Variants in TENM1 observed in about 807,000 individuals in gnomAD.
TENM1 encodes the protein teneurin transmembrane protein 1, also known as teneurin-1.
TENM1 carries 35 observed loss-of-function variants against 174.8 expected under a neutral mutation model. The observed-to-expected ratio is 0.20, with a 90% CI of 0.15 to 0.27. The LOEUF (loss-of-function observed/expected upper bound fraction) is 0.27, where lower values mean the gene tolerates loss of function less well. TENM1 is among the 10% of genes least tolerant of loss of function. The pLI, the probability that TENM1 is intolerant of heterozygous loss-of-function variation, is 1.00. For synonymous variants in TENM1, 781 were observed against 798.7 expected, an observed-to-expected ratio of 0.98 and a Z score of 0.37; for missense variants, 1,633 against 2,130.1, an observed-to-expected ratio of 0.77 and a Z score of 4.59.
At chrX:125,116,768 C>T in the TENM1 span, among the ~76,000 whole-genome samples, 26,511 of 111,318 alleles carry the variant, frequency 0.24, 4,663 homozygotes, top group African/African-American at 0.62. Context: ...TCCCAGCACT[C>T]TGGGAGGCCA....
intron 11 of TENM1, among the ~76,000 whole-genome samples, chrX:124,634,087 G>A (rs1365992406): frequency 9.0e-6 from 1 of 111,344 alleles, no homozygotes; most frequent in Admixed American, 9.6e-5. Flanking sequence ...ATAAATGTGA[G>A]CACAGGTTGT....
chrX:124,918,107 T>C (rs1375644010), intron 1 of TENM1, among the ~76,000 whole-genome samples: 1 of 111,905 alleles, frequency 8.9e-6, no homozygotes, highest in East Asian at 2.8e-4. Flanking sequence ...TATCCTAGCT[T>C]GGGCTATTTC....
chrX:124,960,667 G>A (rs2058638903), intron 1 of TENM1, among the ~76,000 whole-genome samples: 1 of 111,615 alleles, frequency 9.0e-6, no homozygotes, highest in African/African-American at 3.3e-5. Flanking sequence ...GCATAAAATT[G>A]CTTATGTTTT....
At position 124,653,553 on chromosome X, in the gene TENM1, G is replaced by T. The variant is rs567645561; in HGVS notation, c.1368+31C>A. ...TGTTCAACCCATCACCCTTGAAAAG[G>T]GTTTAAGAAAATACCTATAATATCA... On this transcript the variant is annotated intron_variant, in intron 7 of 31. Coordinates refer to ENST00000422452, the Ensembl canonical transcript of TENM1. 4.8e-5 allele frequency: 56 copies of T among 1,157,246 alleles called. No homozygotes were observed. In the South Asian group the frequency reaches 9.5e-4, roughly 20 times the overall value.
intron 3 of TENM1, among the ~76,000 whole-genome samples, chrX:124,762,947 T>C (rs953081162): frequency 9.0e-6 from 1 of 111,205 alleles, no homozygotes; most frequent in Non-Finnish European, 1.9e-5. Flanking sequence ...GTGTAGTCTT[T>C]ACTGACTAAC....
chrX:124,419,996 C>T (rs1208210608), intron 25 of TENM1, among the ~76,000 whole-genome samples: 2 of 111,814 alleles, frequency 1.8e-5, no homozygotes, highest in Non-Finnish European at 3.8e-5. Context: ...TGAAATTGTA[C>T]CTTATCTTCC....
At chrX:125,055,008 T>C in the TENM1 span, among the ~76,000 whole-genome samples, 29 of 111,978 alleles carry the variant, frequency 2.6e-4, no homozygotes, top group South Asian at 3.0e-3. Context: ...TCGGAAAATA[T>C]AGTCATTTTC....
intron 2 of TENM1, among the ~76,000 whole-genome samples, 155 bp downstream of exon 5, chrX:124,895,826 T>C (rs1327885823): frequency 1.8e-5 from 2 of 112,380 alleles, no homozygotes; most frequent in Non-Finnish European, 3.8e-5. Context: ...TGCCAGATAC[T>C]TAGGTGCATG....
At chrX:124,735,295 G>A (rs1209346462) in intron 4 of TENM1, among the ~76,000 whole-genome samples, 1 of 112,104 alleles carries the variant, frequency 8.9e-6, no homozygotes, top group African/African-American at 3.2e-5. Flanking sequence ...CAAAGGACAT[G>A]AACAGACATT....
At chrX:124,682,564 G>A (rs2052261504) in intron 5 of TENM1, among the ~76,000 whole-genome samples, 1 of 110,924 alleles carries the variant, frequency 9.0e-6, no homozygotes, top group African/African-American at 3.3e-5. Context: ...ATCCAGTATG[G>A]TTTAGAAAGG....
At chrX:124,625,251 C>T (rs2050608857) in intron 11 of TENM1, among the ~76,000 whole-genome samples, 1 of 110,949 alleles carries the variant, frequency 9.0e-6, no homozygotes, top group East Asian at 2.8e-4. Context: ...ATAGAAGATA[C>T]TTTGGAAAGA....
chrX:124,788,054 G>A (rs2055083472), intron 3 of TENM1, among the ~76,000 whole-genome samples: 1 of 111,273 alleles, frequency 9.0e-6, no homozygotes, highest in African/African-American at 3.3e-5. Context: ...AAAACCATTA[G>A]ATCTCATGAG....
the TENM1 span, among the ~76,000 whole-genome samples, chrX:124,998,588 T>C: frequency 9.0e-6 from 1 of 111,312 alleles, no homozygotes; most frequent in African/African-American, 3.3e-5. Context: ...TACTCTCATT[T>C]ACTCTACACA....
At chrX:124,992,577 G>A in the TENM1 span, among the ~76,000 whole-genome samples, 2 of 110,756 alleles carry the variant, frequency 1.8e-5, no homozygotes, top group African/African-American at 6.6e-5. Context: ...CTTCCTTTCT[G>A]TGTAAAAACT....
intron 3 of TENM1, among the ~76,000 whole-genome samples, chrX:124,865,899 A>G (rs1442095545): frequency 8.9e-6 from 1 of 112,300 alleles, no homozygotes; most frequent in African/African-American, 3.2e-5. Context: ...GACAAAAACT[A>G]TAAGAAGAGA....
intron 3 of TENM1, among the ~76,000 whole-genome samples, chrX:124,772,753 T>C (rs1261555070): frequency 2.7e-5 from 3 of 111,592 alleles, no homozygotes; most frequent in Non-Finnish European, 5.6e-5. Flanking sequence ...TGTCATACTT[T>C]GTCAATTATG....
chrX:124,863,315 T>C (rs771807064), intron 3 of TENM1, among the ~76,000 whole-genome samples: 1 of 110,214 alleles, frequency 9.1e-6, no homozygotes, highest in South Asian at 4.0e-4. Context: ...AGCGGGCTCT[T>C]GGGGTCCCCA....
chrX:124,530,343 T>C (rs2048077538), intron 15 of TENM1, among the ~76,000 whole-genome samples: 1 of 111,248 alleles, frequency 9.0e-6, no homozygotes, highest in Non-Finnish European at 1.9e-5. Flanking sequence ...TTGTTGTTTC[T>C]TAATTTTTTT....
At chrX:124,841,621 TA>T (rs761346749) in intron 3 of TENM1, among the ~76,000 whole-genome samples, 2,544 of 83,013 alleles carry the variant, frequency 0.031, 47 homozygotes, top group Middle Eastern at 0.1. Context: ...TGTGAATGAT[TA>T]AAAAAAAAAA....
Sources: gnomAD v4.1 joint callset for allele counts (sites outside exome capture counted in the v4.1 genomes callset) on GRCh38, gnomAD v4.1.1 for gene constraint, MANE v1.5 for transcripts, NCBI Gene and HGNC (gene_info 2026-07-23, HGNC 2026-07-21) for gene names.